Variants in LAP3 observed in about 807,000 individuals in gnomAD.
LAP3 encodes cytosol aminopeptidase.
LAP3 carries 46 observed loss-of-function variants against 58.8 expected under a neutral mutation model. The observed-to-expected ratio is 0.78, with a 90% CI of 0.62 to 1.00. LAP3 has a LOEUF of 1.00. Ranked by LOEUF, LAP3 falls within the 50% of genes least tolerant of loss-of-function variation. The probability of loss-of-function intolerance (pLI) is 0.00; values close to 1 mark genes in which losing one functional copy is unlikely to be tolerated. For missense variants in LAP3, 615 were observed against 659.1 expected, an observed-to-expected ratio of 0.93 and a Z score of 0.73; for synonymous variants, 257 against 237.7, an observed-to-expected ratio of 1.08 and a Z score of -0.75.
At chr4:17,585,159 ACT>A (rs1713473157) in intron 6 of LAP3, 23 bp downstream of exon 6, 8 of 1,594,780 alleles carry the variant, frequency 5.0e-6, no homozygotes, top group African/African-American at 1.3e-5. Flanking sequence ...TGTGTCACAG[ACT>A]CGAGATGTTA....
intron 2 of LAP3, 116 bp from the exon 3 acceptor site, chr4:17,581,644 A>G: frequency 4.2e-6 from 3 of 715,974 alleles, no homozygotes; most frequent in Middle Eastern, 2.5e-4. Context: ...CATAAGTGAA[A>G]AAGACCATGG....
At chr4:17,577,669 C>A (rs1713245204) in intron 1 of LAP3, 102 bp downstream of exon 1, 3 of 884,136 alleles carry the variant, frequency 3.4e-6, no homozygotes, top group Non-Finnish European at 5.1e-6. Flanking sequence ...GGCGCCCAAG[C>A]CAAGTTGCAA....
chr4:17,590,156 C>T (rs1713643998), intron 7 of LAP3, among the ~76,000 whole-genome samples: 1 of 152,186 alleles, frequency 6.6e-6, no homozygotes, highest in Non-Finnish European at 1.5e-5. Context: ...ATTTGCTTAA[C>T]TACAGGACTT....
intron 11 of LAP3, among the ~76,000 whole-genome samples, chr4:17,606,560 G>A (rs1283415924): frequency 2.0e-5 from 3 of 152,140 alleles, no homozygotes; most frequent in African/African-American, 4.8e-5. Flanking sequence ...GGATGGTCTC[G>A]ATTTCTTGAC....
intron 5 of LAP3, among the ~76,000 whole-genome samples, chr4:17,583,893 C>G (rs1164508186): frequency 6.6e-6 from 1 of 152,222 alleles, no homozygotes; most frequent in African/African-American, 2.4e-5. Context: ...AAGCCATAAC[C>G]AGGTAGCTCT....
chr4:17,581,894 C>T (rs1713374014), intron 3 of LAP3, 80 bp downstream of exon 3: 6 of 1,096,490 alleles, frequency 5.5e-6, no homozygotes, highest in East Asian at 4.7e-5. Flanking sequence ...TCTAGTCATA[C>T]TAAACATTAT....
At chr4:17,581,912 A>G (rs1713374410) in intron 3 of LAP3, 98 bp downstream of exon 3, 1 of 995,908 alleles carries the variant, frequency 1.0e-6, no homozygotes, top group Admixed American at 2.1e-5. Context: ...TATGTGTTGG[A>G]TTGTATGATT....
At position 17,584,952 on chromosome 4, in the gene LAP3, C is replaced by T. The variant is rs760307802; in HGVS notation, c.540-20C>T. The T allele has an allele frequency of 1.4e-5, 23 of 1,611,250 alleles. No homozygotes were observed. The highest frequency in any genetic ancestry group is 1.6e-5 in the Non-Finnish European group (19 of 1,178,616). On this transcript the variant is annotated intron_variant, in intron 5 of 12. Coordinates refer to ENST00000226299, the MANE Select transcript of LAP3 (RefSeq NM_015907.3). ...TTCTTGAGAGGTTGTTTGACAGTCA[C>T]TTTATCTTTCTTCTGCCAGTGGGGA...
At chr4:17,597,475 C>G (rs553251783) in intron 9 of LAP3, among the ~76,000 whole-genome samples, 2 of 152,268 alleles carry the variant, frequency 1.3e-5, no homozygotes, top group South Asian at 2.1e-4. Context: ...TGCCATGTTT[C>G]CCAGGCTGGT....
At chr4:17,606,323 GTTTCTT>G (rs1714137982) in intron 11 of LAP3, among the ~76,000 whole-genome samples, 1 of 152,062 alleles carries the variant, frequency 6.6e-6, no homozygotes, top group African/African-American at 2.4e-5. Context: ...AGCATTCCCG[GTTTCTT>G]TTTATTTTTT....
rs373780654 is a variant in LAP3 at position 17,577,584 on chromosome 4, C to T, written c.102+17C>T. On this transcript the variant is annotated intron_variant, in intron 1 of 12. Coordinates refer to ENST00000226299, the MANE Select transcript of LAP3 (RefSeq NM_015907.3). ...ATGACGAAGGTGAGAGGCGGCGGCT[C>T]GCTCATGGTCCGCCGCTGGGGCCCT... 3 of 1,523,428 alleles carry T rather than the reference C, an allele frequency of 2.0e-6. No individual in the cohort carries two copies. Among genetic ancestry groups the T allele is most frequent in the African/African-American group, 1.4e-5 (1 of 71,262 alleles). The allele number at this position is 1,523,428 out of a possible 1,614,324, so 94.4% of individuals were successfully genotyped here.
chr4:17,588,359 G>A (rs548066903), intron 6 of LAP3, among the ~76,000 whole-genome samples: 1 of 152,152 alleles, frequency 6.6e-6, no homozygotes, highest in Admixed American at 6.5e-5. Context: ...TGCCCAGGCT[G>A]GTTTCAAACT....
intron 7 of LAP3, among the ~76,000 whole-genome samples, chr4:17,589,968 G>A (rs940790929): frequency 2.0e-5 from 3 of 152,170 alleles, no homozygotes; most frequent in African/African-American, 4.8e-5. Flanking sequence ...ACTGTATCTG[G>A]TTATTTCAGC....
chr4:17,597,727 A>C (rs1303035814), intron 9 of LAP3, among the ~76,000 whole-genome samples: 1 of 152,256 alleles, frequency 6.6e-6, no homozygotes, highest in Non-Finnish European at 1.5e-5. Context: ...GCGGCAAAGC[A>C]GTAAAATTGT....
rs1713376230 is a variant in LAP3 at position 17,581,949 on chromosome 4, A to G, written c.273+135A>G. 1.8e-5 allele frequency: 14 copies of G among 780,700 alleles called. No homozygotes were observed. The South Asian group carries it at 2.3e-4, about 13-fold the overall frequency. 48.4% of individuals were successfully genotyped at this position (780,700 alleles called of 1,614,324 possible). ...TATTCCACTATTAAGCAGAACATTT[A>G]AGATTAAGAGGCGATTTGCTGTCAA... On this transcript the variant is annotated intron_variant, in intron 3 of 12. Coordinates refer to ENST00000226299, the MANE Select transcript of LAP3 (RefSeq NM_015907.3).
In LAP3 at chr4:17,597,051, GCCCC is replaced by G. The variant is rs1713848005; in HGVS notation, c.995_998del (p.Ala332ValfsTer60). 4 of 1,614,044 alleles carry G rather than the reference GCCCC, an allele frequency of 2.5e-6. No individual in the cohort carries two copies. The highest frequency in any genetic ancestry group is 3.4e-6 in the Non-Finnish European group (4 of 1,180,018). On this transcript the variant is annotated frameshift_variant, in exon 9 of 13. Coordinates refer to ENST00000226299, the MANE Select transcript of LAP3 (RefSeq NM_015907.3). LOFTEE classifies it high-confidence loss of function. The stretch of plus-strand genomic sequence containing the variant: ...TCATATATTATTTCCAATAGGTCTG[GCCCC>G]TCTTTGTGAAAATATGCCCAGCGGC...
chr4:17,590,708 A>G (rs1390373188), intron 7 of LAP3, among the ~76,000 whole-genome samples: 1 of 151,796 alleles, frequency 6.6e-6, no homozygotes, highest in East Asian at 1.9e-4. Flanking sequence ...AGTAGCTGGG[A>G]CTACAGGCCC....
At chr4:17,588,781 A>G in intron 6 of LAP3, 38 bp from the exon 7 acceptor site, 6 of 1,557,722 alleles carry the variant, frequency 3.9e-6, no homozygotes, top group Non-Finnish European at 5.3e-6. Context: ...AAATAAAGGT[A>G]ACAGTATATT....
At chr4:17,600,837 C>T (rs145579175) in intron 10 of LAP3, among the ~76,000 whole-genome samples, 81 of 152,264 alleles carry the variant, frequency 5.3e-4, no homozygotes, top group African/African-American at 1.7e-3. Context: ...CTTTTAATAG[C>T]ACGTTAAAAG....
Sources: allele counts gnomAD v4.1 joint callset (sites outside exome capture counted in the v4.1 genomes callset), GRCh38; gene constraint gnomAD v4.1.1; transcripts MANE v1.5; gene names NCBI Gene and HGNC (gene_info 2026-07-23, HGNC 2026-07-21).